HCRTR2: variants seen among roughly 807,000 people sequenced by gnomAD.
The protein encoded by HCRTR2 is orexin receptor type 2.
A neutral mutation model predicts 49.0 loss-of-function variants in HCRTR2; 22 were observed. That is an observed-to-expected ratio of 0.45 (90% CI 0.32 to 0.64). HCRTR2 has a LOEUF of 0.64. Among genes scored for constraint, HCRTR2 ranks in the 30% least tolerant of loss-of-function variants. HCRTR2 has a pLI of 0.04. For synonymous variants in HCRTR2, 236 were observed against 205.3 expected, an observed-to-expected ratio of 1.15 and a Z score of -1.28; for missense variants, 491 against 559.4, an observed-to-expected ratio of 0.88 and a Z score of 1.23.
intron 2 of HCRTR2, among the ~76,000 whole-genome samples, chr6:55,251,248 C>T (rs927219354): frequency 2.0e-5 from 3 of 152,024 alleles, no homozygotes; most frequent in South Asian, 2.1e-4. Flanking sequence ...TATTAATTTG[C>T]TATAATTTAT....
intron 1 of HCRTR2, among the ~76,000 whole-genome samples, chr6:55,233,371 A>G (rs1766153600): frequency 6.6e-6 from 1 of 152,042 alleles, no homozygotes; most frequent in African/African-American, 2.4e-5. Context: ...GATTACCGGC[A>G]TGAGCCACCA....
chr6:55,247,039 G>T (rs1355469165), intron 1 of HCRTR2, among the ~76,000 whole-genome samples: 1 of 151,918 alleles, frequency 6.6e-6, no homozygotes, highest in African/African-American at 2.4e-5. Context: ...TGTACTATTT[G>T]GACAATTTAT....
chr6:55,127,117 G>A (rs779292872), intron 1 of HCRTR2, among the ~76,000 whole-genome samples: 1 of 151,948 alleles, frequency 6.6e-6, no homozygotes, highest in African/African-American at 2.4e-5. Context: ...ACTGGGGTAT[G>A]GGAAAAAAAA....
chr6:55,251,282 A>G (rs1766544897), intron 2 of HCRTR2, among the ~76,000 whole-genome samples: 3 of 152,132 alleles, frequency 2.0e-5, no homozygotes, highest in African/African-American at 4.8e-5. Flanking sequence ...TCTAAATACA[A>G]TACAGCCTTT....
chr6:55,273,085 A>G (rs1327720439), intron 4 of HCRTR2, among the ~76,000 whole-genome samples: 2 of 152,070 alleles, frequency 1.3e-5, no homozygotes, highest in African/African-American at 4.8e-5. Flanking sequence ...TTTAGCATGC[A>G]AATCTTATCA....
chr6:55,274,379 A>T (rs1200406893), intron 4 of HCRTR2, among the ~76,000 whole-genome samples: 1 of 70,870 alleles, frequency 1.4e-5, no homozygotes, highest in Admixed American at 1.7e-4. Flanking sequence ...CATTCTTTTG[A>T]TATTGAAACT....
At chr6:55,186,584 A>G (rs1302717513) in intron 1 of HCRTR2, among the ~76,000 whole-genome samples, 1 of 152,232 alleles carries the variant, frequency 6.6e-6, no homozygotes, top group Non-Finnish European at 1.5e-5. Context: ...AAGATACACC[A>G]AGATTTCTTT....
At chr6:55,151,437 T>C (rs1327257233) in intron 1 of HCRTR2, among the ~76,000 whole-genome samples, 1 of 151,994 alleles carries the variant, frequency 6.6e-6, no homozygotes, top group Non-Finnish European at 1.5e-5. Context: ...GAAACCACTT[T>C]ATTTGTTTAT....
At chr6:55,231,948 ACTC>A (rs1477960279) in intron 1 of HCRTR2, among the ~76,000 whole-genome samples, 1 of 151,124 alleles carries the variant, frequency 6.6e-6, no homozygotes, top group Non-Finnish European at 1.5e-5. Context: ...CATCCACCTC[ACTC>A]CTCCTGCTGT....
chr6:55,272,315 A>G (rs763720447), intron 4 of HCRTR2, among the ~76,000 whole-genome samples: 12 of 152,122 alleles, frequency 7.9e-5, no homozygotes, highest in East Asian at 1.9e-4. Flanking sequence ...AGGCAAATAT[A>G]TAGAGCCAAA....
intron 1 of HCRTR2, among the ~76,000 whole-genome samples, chr6:55,140,009 G>C (rs900943971): frequency 1.3e-5 from 2 of 152,294 alleles, no homozygotes; most frequent in East Asian, 3.9e-4. Flanking sequence ...GTGAGCCATG[G>C]TGGTTTAGTA....
At chr6:55,177,832 A>C (rs1312671989) in intron 1 of HCRTR2, among the ~76,000 whole-genome samples, 3 of 152,144 alleles carry the variant, frequency 2.0e-5, no homozygotes, top group African/African-American at 7.2e-5. Context: ...CCAAAGATGG[A>C]AAGCAGTTTC....
intron 1 of HCRTR2, among the ~76,000 whole-genome samples, chr6:55,123,104 C>G (rs1764224854): frequency 6.6e-6 from 1 of 150,414 alleles, no homozygotes. Flanking sequence ...TACCCTAGAA[C>G]TTAAAGTATA....
intron 2 of HCRTR2, among the ~76,000 whole-genome samples, chr6:55,253,771 G>T (rs544538416): frequency 1.3e-5 from 2 of 152,204 alleles, no homozygotes; most frequent in South Asian, 2.1e-4. Flanking sequence ...GCAAACAAAT[G>T]CAGGAACAGA....
chr6:55,211,291 A>G (rs1247114397), intron 1 of HCRTR2, among the ~76,000 whole-genome samples: 1 of 152,188 alleles, frequency 6.6e-6, no homozygotes, highest in East Asian at 1.9e-4. Context: ...AGATATGTGA[A>G]AATAAATATA....
chr6:55,218,739 C>T (rs993084074), intron 1 of HCRTR2, among the ~76,000 whole-genome samples: 1 of 152,154 alleles, frequency 6.6e-6, no homozygotes, highest in African/African-American at 2.4e-5. Context: ...TGTATTCAAT[C>T]TTAGGGCTTT....
chr6:55,273,689 T>C (rs1767017232), intron 4 of HCRTR2, among the ~76,000 whole-genome samples: 1 of 151,248 alleles, frequency 6.6e-6, no homozygotes, highest in African/African-American at 2.4e-5. Flanking sequence ...TTGTTTGTGG[T>C]TTCATTGCTC....
At chr6:55,267,721 C>T (rs1766888980) in intron 4 of HCRTR2, among the ~76,000 whole-genome samples, 1 of 152,078 alleles carries the variant, frequency 6.6e-6, no homozygotes, top group African/African-American at 2.4e-5. Context: ...CCTTCTTGTT[C>T]CCAGCTCTTA....
At chr6:55,108,386 C>A (rs751140213) in intron 1 of HCRTR2, among the ~76,000 whole-genome samples, 1 of 152,046 alleles carries the variant, frequency 6.6e-6, no homozygotes, top group Non-Finnish European at 1.5e-5. Flanking sequence ...AAAGAAGCAG[C>A]TTGTTGCTGC....
Sources: allele counts gnomAD v4.1 joint callset (sites outside exome capture counted in the v4.1 genomes callset), GRCh38; gene constraint gnomAD v4.1.1; transcripts MANE v1.5; gene names NCBI Gene and HGNC (gene_info 2026-07-23, HGNC 2026-07-21).